PADI6: variants seen among roughly 807,000 people sequenced by gnomAD.
PADI6 encodes the protein inactive protein-arginine deiminase type-6.
A neutral mutation model predicts 78.2 loss-of-function variants in PADI6; 66 were observed. That is an observed-to-expected ratio of 0.84 (90% CI 0.69 to 1.04). PADI6 has a LOEUF of 1.04. PADI6 is among the 50% of genes least tolerant of loss of function. PADI6 has a pLI of 0.00. For missense variants in PADI6, 854 were observed against 866.1 expected (o/e 0.99, Z 0.18); for synonymous variants, 397 against 346.9 (o/e 1.14, Z -1.60).
At chr1:17,382,885 G>T (rs1244099008) in intron 6 of PADI6, among the ~76,000 whole-genome samples, 6 of 152,136 alleles carry the variant, frequency 3.9e-5, no homozygotes. Flanking sequence ...CAGCTTCCTG[G>T]ACTCAAGCAG....
At chr1:17,374,828 C>T (rs2074999525) in intron 2 of PADI6, among the ~76,000 whole-genome samples, 1 of 152,140 alleles carries the variant, frequency 6.6e-6, no homozygotes, top group African/African-American at 2.4e-5. Flanking sequence ...GGTTGGGTCT[C>T]TGGTTCATGA....
chr1:17,382,532 G>A (rs1301798969), intron 6 of PADI6, among the ~76,000 whole-genome samples: 3 of 152,148 alleles, frequency 2.0e-5, no homozygotes, highest in Admixed American at 6.5e-5. Context: ...CGGCAGCCAC[G>A]GTAGCACCTG....
At position 17,398,894 on chromosome 1, in the gene PADI6, C is replaced by A. The variant is rs758433995; in HGVS notation, c.1851+47C>A. Reference sequence around the variant, plus strand: ...CTGGGTGGGGGAGGGCCTGTCCAGGCAACACTGGCTGCCACCTCACTGTGC... The same window carrying A: ...CTGGGTGGGGGAGGGCCTGTCCAGGAAACACTGGCTGCCACCTCACTGTGC... On this transcript the variant is annotated intron_variant, in intron 15 of 15. Coordinates refer to ENST00000619609, the MANE Select transcript of PADI6 (RefSeq NM_207421.4). 10 of 1,584,644 alleles carry A rather than the reference C, an allele frequency of 6.3e-6. No individual in the cohort carries two copies. The South Asian group carries it at 1.0e-4, about 16-fold the overall frequency.
chr1:17,372,262 G>A lies in PADI6; in HGVS notation c.17G>A (p.Gly6Asp), dbSNP rs2074968825. The A allele has an allele frequency of 3.7e-6, 6 of 1,613,948 alleles. No individual in the cohort carries two copies. The highest frequency in any genetic ancestry group is 5.1e-6 in the Non-Finnish European group (6 of 1,179,864). MVSVE[G>D]RAMSFQSIIH... Reference sequence around the variant, plus strand: ...GGCCTGAGGATGGTCAGCGTGGAGGGCCGAGCCATGTCCTTCCAGAGTATC... The same window carrying A: ...GGCCTGAGGATGGTCAGCGTGGAGGACCGAGCCATGTCCTTCCAGAGTATC... The change falls in exon 1 of 16, where the codon GGC becomes GAC. Residue 6 changes from glycine to aspartate, a missense_variant. By Grantham distance (94) the Gly-to-Asp change is moderately conservative (BLOSUM62 -1). Coordinates refer to ENST00000619609, the MANE Select transcript of PADI6 (RefSeq NM_207421.4).
intron 13 of PADI6, 25 bp from the exon 14 acceptor site, chr1:17,397,046 G>A (rs376518153): frequency 1.2e-6 from 2 of 1,611,246 alleles, no homozygotes; most frequent in African/African-American, 2.7e-5. Flanking sequence ...TGACCAGCAG[G>A]CCTGCTGCCC....
intron 15 of PADI6, among the ~76,000 whole-genome samples, chr1:17,400,534 T>G (rs574049931): frequency 1.3e-5 from 2 of 152,310 alleles, no homozygotes; most frequent in Admixed American, 1.3e-4. Context: ...TTTTGTTTTT[T>G]AAATTCTGTT....
intron 8 of PADI6, among the ~76,000 whole-genome samples, chr1:17,390,425 C>A: frequency 6.6e-6 from 1 of 151,994 alleles, no homozygotes; most frequent in East Asian, 1.9e-4. Context: ...CATGGTAAAA[C>A]CCCGTCTCTA....
In PADI6 at chr1:17,400,501, GTTTTGTTT is replaced by G. The variant is rs201431015; in HGVS notation, c.1852-695_1852-688del. Among the ~76,000 whole-genome samples the G allele has an allele frequency of 9.9e-3, 1,499 of 151,248 alleles. 23 individuals carry two copies. Among genetic ancestry groups the G allele is most frequent in the African/African-American group, 0.034 (1,412 of 41,020 alleles). On this transcript the variant is annotated intron_variant, in intron 15 of 15. Transcript: ENST00000619609. ...CAGCCTGGGCAACAAGAGCAAAACT[GTTTTGTTT>G]TTTTGTTTGTTTGTTTTTGTTTTTT...
chr1:17,385,355 G>A lies in PADI6; in HGVS notation c.680-3026G>A, dbSNP rs564932178. On this transcript the variant is annotated intron_variant, in intron 6 of 15. Coordinates refer to ENST00000619609, the MANE Select transcript of PADI6 (RefSeq NM_207421.4). ...CCAGGAAAGCAAACTAGAAAAAGGTGTGGGAGTGGACAGTGTGTATAAGAG... is the reference window on the plus strand; with the variant it reads ...CCAGGAAAGCAAACTAGAAAAAGGTATGGGAGTGGACAGTGTGTATAAGAG... Among the ~76,000 whole-genome samples, 141 of 152,296 alleles carry A rather than the reference G, an allele frequency of 9.3e-4. 1 individual carries two copies. Among genetic ancestry groups the A allele is most frequent in the African/African-American group, 3.2e-3 (135 of 41,556 alleles).
At position 17,382,602 on chromosome 1, in the gene PADI6, T is replaced by A. The variant is rs555123636; in HGVS notation, c.679+510T>A. The stretch of plus-strand genomic sequence containing the variant: ...CAGCCCTCCTCTCCTGGGAGGCAGG[T>A]AGCATACTCTATTCTATAGATGGAG... On this transcript the variant is annotated intron_variant, in intron 6 of 15. Transcript: ENST00000619609. Among the ~76,000 whole-genome samples, 22 of 152,256 alleles carry A rather than the reference T, an allele frequency of 1.4e-4. 2 individuals are homozygous for A. In the East Asian group the frequency reaches 2.1e-3, roughly 15 times the overall value.
intron 6 of PADI6, among the ~76,000 whole-genome samples, 198 bp from the exon 7 acceptor site, chr1:17,388,183 A>T (rs897557325): frequency 2.6e-5 from 4 of 152,224 alleles, no homozygotes; most frequent in African/African-American, 9.6e-5. Context: ...ATAACTGGCC[A>T]TTGCTTGTGT....
chr1:17,394,357 G>C lies in PADI6; in HGVS notation c.1240G>C (p.Asp414His). Residue 414 changes from aspartate (D) to histidine (H), a missense_variant, in exon 11 of 16, where the codon GAT (aspartate) becomes CAT (histidine). Coordinates refer to ENST00000619609, the MANE Select transcript of PADI6 (RefSeq NM_207421.4). Reference sequence around the variant, plus strand: ...TGAGGACCATAAAGTGGCCAGCATGGATTCCATTGGGAACCTGATGGTGTC... The same window carrying C: ...TGAGGACCATAAAGTGGCCAGCATGCATTCCATTGGGAACCTGATGGTGTC... Reference protein sequence around the residue: ...DTEDHKVASMDSIGNLMVSPP... With the variant: ...DTEDHKVASMHSIGNLMVSPP... The C allele has an allele frequency of 6.2e-7, 1 of 1,613,846 alleles. No homozygotes were observed. The highest frequency in any genetic ancestry group is 8.5e-7 in the Non-Finnish European group (1 of 1,179,842).
At chr1:17,374,483 A>G (rs948099444) in intron 2 of PADI6, among the ~76,000 whole-genome samples, 1 of 152,084 alleles carries the variant, frequency 6.6e-6, no homozygotes, top group African/African-American at 2.4e-5. Flanking sequence ...AAAATTAGCC[A>G]GGTGTGGTGG....
rs2075230400 is a variant in PADI6 at position 17,394,936 on chromosome 1, C to T, written c.1338-15C>T. The T allele has an allele frequency of 6.3e-7, 1 of 1,596,896 alleles. No individual in the cohort carries two copies. The highest frequency in any genetic ancestry group is 8.5e-7 in the Non-Finnish European group (1 of 1,172,338). On this transcript the variant is annotated splice_polypyrimidine_tract_variant and intron_variant, in intron 11 of 15. Coordinates refer to ENST00000619609, the MANE Select transcript of PADI6 (RefSeq NM_207421.4). ...CACACTGGCTCAAGAGCTGTTCTTT[C>T]CATCTTCCTTCTAGCGCAGAGGGCC...
chr1:17,379,872 C>A, intron 3 of PADI6, 48 bp from the exon 4 acceptor site: 1 of 1,555,254 alleles, frequency 6.4e-7, no homozygotes, highest in African/African-American at 1.4e-5. Context: ...CTTTGAGGTT[C>A]CATCTGGCAG....
chr1:17,392,250 C>T, intron 9 of PADI6, 25 bp downstream of exon 9: 1 of 1,523,258 alleles, frequency 6.6e-7, no homozygotes, highest in Non-Finnish European at 8.9e-7. Flanking sequence ...GGGAACCCAC[C>T]TGTCGGGGAG....
At chr1:17,383,854 T>C (rs763238950) in intron 6 of PADI6, among the ~76,000 whole-genome samples, 6 of 149,210 alleles carry the variant, frequency 4.0e-5, no homozygotes, top group Non-Finnish European at 8.9e-5. Flanking sequence ...AAAAAACTTA[T>C]TCAACAATCT....
At chr1:17,393,516 G>GTC (rs2075212536) in intron 9 of PADI6, among the ~76,000 whole-genome samples, 1 of 152,254 alleles carries the variant, frequency 6.6e-6, no homozygotes, top group Non-Finnish European at 1.5e-5. Context: ...AAGAAAGGAA[G>GTC]AATCTGGATG....
intron 6 of PADI6, among the ~76,000 whole-genome samples, chr1:17,385,512 CAG>C (rs1415662322): frequency 2.6e-5 from 4 of 152,138 alleles, no homozygotes; most frequent in Middle Eastern, 6.8e-3. Context: ...GTGAGCGAAA[CAG>C]ATCGGAAGGC....
Sources: allele counts gnomAD v4.1 joint callset (sites outside exome capture counted in the v4.1 genomes callset), GRCh38; gene constraint gnomAD v4.1.1; transcripts MANE v1.5; gene names NCBI Gene and HGNC (gene_info 2026-07-23, HGNC 2026-07-21).